TRRAP: variants seen among roughly 807,000 people sequenced by gnomAD.
TRRAP encodes transformation/transcription domain-associated protein.
A neutral mutation model predicts 438.8 loss-of-function variants in TRRAP; 41 were observed. That is an observed-to-expected ratio of 0.09 (90% CI 0.07 to 0.12). TRRAP has a LOEUF of 0.12. Among genes scored for constraint, TRRAP ranks in the 10% least tolerant of loss-of-function variants. The pLI, the probability that TRRAP is intolerant of heterozygous loss-of-function variation, is 1.00. For synonymous variants in TRRAP, 1,994 were observed against 1,962.9 expected (o/e 1.02, Z -0.42); for missense variants, 3,122 against 5,055.1 (o/e 0.62, Z 11.60).
chr7:98,962,286 C>A lies in TRRAP; in HGVS notation c.6704-16C>A, dbSNP rs1485986283. ...AGAGCCATAACCACAGTGCCTGGGT[C>A]CCTGCCCTGTTGTAGGTACTTCCAG... On this transcript the variant is annotated splice_polypyrimidine_tract_variant and intron_variant, in intron 46 of 72. Transcript: ENST00000456197. 6.2e-7 allele frequency: 1 copy of A among 1,613,920 alleles called. No homozygotes were observed. The highest frequency in any genetic ancestry group is 8.5e-7 in the Non-Finnish European group (1 of 1,179,948).
intron 61 of TRRAP, 135 bp from the exon 62 acceptor site, chr7:98,984,809 A>T: frequency 1.8e-6 from 1 of 543,582 alleles, no homozygotes; most frequent in Non-Finnish European, 3.3e-6. Context: ...TATTCATGGT[A>T]GGCAAATCTT....
intron 45 of TRRAP, among the ~76,000 whole-genome samples, chr7:98,960,874 C>G (rs946708068): frequency 6.6e-6 from 1 of 152,056 alleles, no homozygotes; most frequent in Non-Finnish European, 1.5e-5. Flanking sequence ...ACTTCAGCCT[C>G]CCAAAGTGCT....
chr7:98,899,361 G>A (rs569374895), intron 8 of TRRAP, 61 bp from the exon 9 acceptor site: 2 of 1,428,612 alleles, frequency 1.4e-6, no homozygotes, highest in Admixed American at 1.7e-5. Flanking sequence ...AGTGGGCACT[G>A]GTGGGGGCTA....
In TRRAP at chr7:98,978,201, CT is replaced by C; in HGVS notation, c.8386-3del. The C allele has an allele frequency of 1.2e-6, 2 of 1,604,984 alleles. No individual in the cohort carries two copies. The highest frequency in any genetic ancestry group is 8.5e-7 in the Non-Finnish European group (1 of 1,174,806). ...TTAAACAGTGATTTAAAAACATTAA[CT>C]TTTTTTAGGCACAAGAATCCTATGA... On this transcript the variant is annotated splice_polypyrimidine_tract_variant and intron_variant, in intron 56 of 72. Transcript: ENST00000456197.
chr7:98,892,765 T>C (rs1796032051), intron 5 of TRRAP, among the ~76,000 whole-genome samples: 1 of 152,156 alleles, frequency 6.6e-6, no homozygotes, highest in African/African-American at 2.4e-5. Flanking sequence ...TAGGTACCTT[T>C]GAAACAGTTG....
chr7:98,996,040 C>G (rs1483758814), intron 67 of TRRAP, among the ~76,000 whole-genome samples: 4 of 150,758 alleles, frequency 2.7e-5, no homozygotes, highest in Admixed American at 2.6e-4. Flanking sequence ...TTCACACTCC[C>G]CCGTCTAGTC....
Position 98,917,475 on chromosome 7 carries a change from T to C in TRRAP, c.2418T>C (p.Phe806=). 1 of 1,614,164 alleles carries C rather than the reference T, an allele frequency of 6.2e-7. No individual in the cohort carries two copies. Among genetic ancestry groups the C allele is most frequent in the Non-Finnish European group, 8.5e-7 (1 of 1,180,026 alleles). ...ACAAGCAGCACATGAAGGACCTCTT[T>C]GTGGAGCTGTGTCTCACCGTCCCTG... is the stretch of plus-strand genomic sequence containing the variant. The part of the protein sequence containing the change: ...GLHKQHMKDL[F]VELCLTVPVR... Residue 806 remains phenylalanine (F), a synonymous_variant, in exon 20 of 73, where the codon TTT becomes TTC. Coordinates refer to ENST00000456197, the MANE Select transcript of TRRAP (RefSeq NM_001375524.1).
intron 23 of TRRAP, among the ~76,000 whole-genome samples, chr7:98,928,677 C>G (rs1352798306): frequency 6.6e-6 from 1 of 152,132 alleles, no homozygotes; most frequent in Non-Finnish European, 1.5e-5. Flanking sequence ...GGAGCATAAC[C>G]CATGGTCATT....
intron 5 of TRRAP, among the ~76,000 whole-genome samples, chr7:98,892,828 C>G (rs535637438): frequency 2.0e-5 from 3 of 152,328 alleles, no homozygotes; most frequent in African/African-American, 7.2e-5. Context: ...GGCTCACTTG[C>G]ATTGTTCTTT....
At chr7:98,920,639 G>A (rs1179950880) in intron 20 of TRRAP, among the ~76,000 whole-genome samples, 1 of 152,126 alleles carries the variant, frequency 6.6e-6, no homozygotes, top group African/African-American at 2.4e-5. Flanking sequence ...CTTTTCCATA[G>A]TCCTGTAATG....
chr7:98,965,175 CTG>C (rs1271830146), intron 48 of TRRAP, among the ~76,000 whole-genome samples: 2 of 152,272 alleles, frequency 1.3e-5, no homozygotes, highest in East Asian at 1.9e-4. Context: ...CTTTTAAAGT[CTG>C]TGAGTGTAAG....
intron 43 of TRRAP, among the ~76,000 whole-genome samples, chr7:98,957,677 CTCT>C (rs1791682319): frequency 6.6e-6 from 1 of 152,196 alleles, no homozygotes; most frequent in African/African-American, 2.4e-5. Context: ...GGAGCTGTCT[CTCT>C]TCTTTTTTCT....
At chr7:98,985,679 C>T (rs1270475446) in intron 62 of TRRAP, among the ~76,000 whole-genome samples, 1 of 152,114 alleles carries the variant, frequency 6.6e-6, no homozygotes, top group Non-Finnish European at 1.5e-5. Context: ...CTTGTGTAGG[C>T]TCCAGTGCCT....
chr7:98,937,131 ATTGTCTTG>A lies in TRRAP; in HGVS notation c.4112-24_4112-17del, dbSNP rs1790591920. The A allele has an allele frequency of 1.3e-6, 2 of 1,577,154 alleles. No individual in the cohort carries two copies. Among genetic ancestry groups the A allele is most frequent in the Admixed American group, 2.0e-5 (1 of 50,560 alleles). On this transcript the variant is annotated splice_polypyrimidine_tract_variant and intron_variant, in intron 28 of 72. Coordinates refer to ENST00000456197, the MANE Select transcript of TRRAP (RefSeq NM_001375524.1). ...GGGCATCTTTCCAGTTAATAATGGA[ATTGTCTTG>A]ATTTCTCTCCCTGAAGATGCACTTG... is the stretch of plus-strand genomic sequence containing the variant.
At chr7:98,991,342 C>T (rs550408625) in intron 64 of TRRAP, among the ~76,000 whole-genome samples, 19 of 152,200 alleles carry the variant, frequency 1.2e-4, no homozygotes, top group Non-Finnish European at 1.6e-4. Flanking sequence ...TGGGCCCGCG[C>T]GTTCTGCCCA....
intron 33 of TRRAP, among the ~76,000 whole-genome samples, chr7:98,946,432 C>T (rs1157600586): frequency 6.6e-6 from 1 of 151,986 alleles, no homozygotes; most frequent in African/African-American, 2.4e-5. Context: ...CACACATGCA[C>T]ACACACCGAT....
chr7:98,993,247 C>T (rs1342819131), intron 65 of TRRAP, among the ~76,000 whole-genome samples: 1 of 152,240 alleles, frequency 6.6e-6, no homozygotes, highest in Non-Finnish European at 1.5e-5. Context: ...CTGGACTCAC[C>T]AGGCGGCGTG....
chr7:98,945,901 T>C, intron 32 of TRRAP, 29 bp from the exon 33 acceptor site: 1 of 1,551,652 alleles, frequency 6.4e-7, no homozygotes, highest in South Asian at 1.2e-5. Flanking sequence ...GTTGCCTTTT[T>C]TCATGCTGTA....
At chr7:98,890,596 A>G in intron 4 of TRRAP, 151 bp downstream of exon 4, 2 of 583,370 alleles carry the variant, frequency 3.4e-6, no homozygotes, top group Non-Finnish European at 5.8e-6. Flanking sequence ...CTCCTCAGTT[A>G]CATGTCTTGG....
Sources: gnomAD v4.1 joint callset for allele counts (sites outside exome capture counted in the v4.1 genomes callset) on GRCh38, gnomAD v4.1.1 for gene constraint, MANE v1.5 for transcripts, NCBI Gene and HGNC (gene_info 2026-07-23, HGNC 2026-07-21) for gene names.